Variants in NSRP1 observed in about 807,000 individuals in gnomAD.
NSRP1 encodes the protein nuclear speckle splicing regulatory protein 1, also known as coiled-coil domain containing 55.
NSRP1 carries 24 observed loss-of-function variants against 54.7 expected under a neutral mutation model. The ratio of observed to expected loss-of-function variants is 0.44; its 90% CI spans 0.32 to 0.62. The LOEUF is 0.62. NSRP1 is among the 20% of genes least tolerant of loss of function. The probability of loss-of-function intolerance (pLI) is 0.06; values close to 1 mark genes in which losing one functional copy is unlikely to be tolerated. For synonymous variants in NSRP1, 210 were observed against 213.8 expected (o/e 0.98, Z 0.15); for missense variants, 596 against 651.2 (o/e 0.92, Z 0.92).
At chr17:30,121,898 A>C (rs2071601035) in intron 2 of NSRP1, among the ~76,000 whole-genome samples, 1 of 152,052 alleles carries the variant, frequency 6.6e-6, no homozygotes, top group Admixed American at 6.6e-5. Context: ...TTGTGCCGGC[A>C]TCACCACTGT....
intron 2 of NSRP1, among the ~76,000 whole-genome samples, chr17:30,145,314 G>A (rs2071843970): frequency 8.9e-6 from 1 of 112,666 alleles, no homozygotes; most frequent in African/African-American, 3.3e-5. Context: ...CGGGCGCAGT[G>A]GCTCACACCT....
intron 2 of NSRP1, among the ~76,000 whole-genome samples, chr17:30,138,917 T>TTG (rs2071775566): frequency 7.6e-6 from 1 of 130,720 alleles, no homozygotes; most frequent in Non-Finnish European, 1.7e-5. Context: ...GCGTTTTTTT[T>TTG]TTTTTTTTTT....
Position 30,179,178 on chromosome 17 carries a change from G to A in NSRP1, c.389G>A (p.Arg130Gln), listed in dbSNP as rs762523200. Residue 130 changes from arginine (R) to glutamine (Q), a missense_variant, in exon 5 of 7, where the codon CGA becomes CAA. Transcript: ENST00000247026. ...ATGGAAAAGAAAATACAGAGAGAAC[G>A]AGAAATGGAAAAGGGGGAGTTTGAT... is the stretch of plus-strand genomic sequence containing the variant. ...KRMEKKIQRE[R>Q]EMEKGEFDDK... 27 of 1,610,170 alleles carry A rather than the reference G, an allele frequency of 1.7e-5. No individual in the cohort carries two copies. The highest frequency in any genetic ancestry group is 1.1e-4 in the East Asian group (5 of 44,792).
At chr17:30,176,306 T>C (rs1013753795) in intron 3 of NSRP1, among the ~76,000 whole-genome samples, 9 of 152,106 alleles carry the variant, frequency 5.9e-5, no homozygotes, top group Non-Finnish European at 1.2e-4. Context: ...TACAAAGGCA[T>C]GTCATCAGTT....
intron 2 of NSRP1, among the ~76,000 whole-genome samples, chr17:30,136,000 G>A (rs889545777): frequency 6.6e-6 from 1 of 151,906 alleles, no homozygotes; most frequent in Non-Finnish European, 1.5e-5. Context: ...ATCACCTGAG[G>A]TCAGGAGTTT....
At chr17:30,176,437 C>T (rs1393097758) in intron 3 of NSRP1, among the ~76,000 whole-genome samples, 5 of 151,848 alleles carry the variant, frequency 3.3e-5, no homozygotes, top group East Asian at 1.9e-4. Flanking sequence ...AGTGAAACTC[C>T]GTCTCTACTA....
intron 2 of NSRP1, among the ~76,000 whole-genome samples, chr17:30,171,976 C>CCTCTCTCTCTCTCTCTCTCTCT (rs58666089): frequency 3.7e-5 from 3 of 80,350 alleles, no homozygotes; most frequent in Non-Finnish European, 7.5e-5. Context: ...ACACACACTC[C>CCTCTCTCTCTCTCTCTCTCTCT]CTCTCTCTCT....
intron 2 of NSRP1, among the ~76,000 whole-genome samples, chr17:30,131,304 T>A (rs2071697217): frequency 6.6e-6 from 1 of 151,302 alleles, no homozygotes; most frequent in African/African-American, 2.5e-5. Flanking sequence ...ATAGTAACTT[T>A]TAAAATTTAA....
intron 2 of NSRP1, among the ~76,000 whole-genome samples, chr17:30,142,545 TG>T (rs1252765235): frequency 6.6e-6 from 1 of 151,222 alleles, no homozygotes; most frequent in Non-Finnish European, 1.5e-5. Flanking sequence ...TTGCCCAGGC[TG>T]GTTTGGAACT....
At chr17:30,135,190 C>G (rs1297071699) in intron 2 of NSRP1, among the ~76,000 whole-genome samples, 3 of 152,088 alleles carry the variant, frequency 2.0e-5, no homozygotes, top group Non-Finnish European at 4.4e-5. Flanking sequence ...GCAGTGACAG[C>G]TCACTGCAAC....
Position 30,185,483 on chromosome 17 carries a change from C to A in NSRP1, c.1486C>A (p.Leu496Met), listed in dbSNP as rs779393708. Reference protein sequence around the residue: ...QEKPSNSESSLGAKHRLTEEG... With the variant: ...QEKPSNSESSMGAKHRLTEEG... ...GAAACCCTCTAATTCTGAATCATCA[C>A]TGGGAGCAAAACACAGACTCACAGA... The change falls in exon 7 of 7, where the codon CTG becomes ATG. Residue 496 changes from leucine (L) to methionine (M), a missense_variant. Physicochemically the swap from Leu to Met is conservative, Grantham distance 15. Coordinates refer to ENST00000247026, the MANE Select transcript of NSRP1 (RefSeq NM_032141.4). The A allele has an allele frequency of 6.2e-7, 1 of 1,612,874 alleles. No individual in the cohort carries two copies.
chr17:30,156,637 A>C (rs1011460161), intron 2 of NSRP1: 1 of 151,874 alleles, frequency 6.6e-6, no homozygotes, highest in Non-Finnish European at 1.5e-5. Flanking sequence ...TTCCTGCCTC[A>C]GCCTCCCAAA....
intron 2 of NSRP1, among the ~76,000 whole-genome samples, chr17:30,170,401 A>C (rs904393942): frequency 3.9e-5 from 6 of 152,142 alleles, no homozygotes; most frequent in Admixed American, 2.0e-4. Flanking sequence ...CTCATGTGGT[A>C]CATTAGATCT....
At chr17:30,175,596 C>A (rs748875578) in intron 3 of NSRP1, among the ~76,000 whole-genome samples, 4 of 151,982 alleles carry the variant, frequency 2.6e-5, no homozygotes, top group Non-Finnish European at 5.9e-5. Context: ...CCACACCTGG[C>A]TAATTTTTAT....
chr17:30,178,467 T>C (rs554907719), intron 4 of NSRP1, among the ~76,000 whole-genome samples: 1 of 152,326 alleles, frequency 6.6e-6, no homozygotes, highest in South Asian at 2.1e-4. Flanking sequence ...GGAATTCTAA[T>C]GTACCAAATT....
chr17:30,118,208 G>A, intron 2 of NSRP1, 35 bp downstream of exon 2: 1 of 1,550,560 alleles, frequency 6.4e-7, no homozygotes. Context: ...TGCATGGTTG[G>A]AAATGTAAAT....
chr17:30,117,683 A>G (rs1389148299), intron 1 of NSRP1, among the ~76,000 whole-genome samples: 3 of 152,076 alleles, frequency 2.0e-5, no homozygotes, highest in Non-Finnish European at 4.4e-5. Flanking sequence ...CATTTTCTTG[A>G]CTGTTTAGAC....
chr17:30,139,676 T>C (rs1345505244), intron 2 of NSRP1, among the ~76,000 whole-genome samples: 4 of 152,034 alleles, frequency 2.6e-5, no homozygotes, highest in Non-Finnish European at 5.9e-5. Context: ...ATGGGGGTAG[T>C]CCTTGGGAGT....
intron 2 of NSRP1, among the ~76,000 whole-genome samples, chr17:30,154,775 ATTTCAGATTT>A (rs1555580503): frequency 6.6e-6 from 1 of 152,018 alleles, no homozygotes; most frequent in Non-Finnish European, 1.5e-5. Flanking sequence ...AGTGTTTCAG[ATTTCAGATTT>A]TTTCAGATTT....
Sources: gnomAD v4.1 joint callset for allele counts (sites outside exome capture counted in the v4.1 genomes callset) on GRCh38, gnomAD v4.1.1 for gene constraint, MANE v1.5 for transcripts, NCBI Gene and HGNC (gene_info 2026-07-23, HGNC 2026-07-21) for gene names.